Variants in HECTD2 observed in about 807,000 individuals in gnomAD.
The protein encoded by HECTD2 is HECT domain E3 ubiquitin protein ligase 2.
In HECTD2, 35 loss-of-function variants were observed where a neutral mutation model predicts 103.2. The ratio of observed to expected loss-of-function variants is 0.34; its 90% CI spans 0.26 to 0.45. The LOEUF (loss-of-function observed/expected upper bound fraction) is 0.45, where lower values mean the gene tolerates loss of function less well. Ranked by LOEUF, HECTD2 falls within the 20% of genes least tolerant of loss-of-function variation. The pLI is 1.00. For synonymous variants in HECTD2, 281 were observed against 329.9 expected (o/e 0.85, Z 1.61); for missense variants, 596 against 937.4 (o/e 0.64, Z 4.76).
At position 91,410,450 on chromosome 10, in the gene HECTD2, G is replaced by C; in HGVS notation, c.12G>C (p.Ala4=). 1 of 1,451,234 alleles carries C rather than the reference G, an allele frequency of 6.9e-7. No homozygotes were observed. Among genetic ancestry groups the C allele is most frequent in the Non-Finnish European group, 9.0e-7 (1 of 1,105,696 alleles). The allele number at this position is 1,451,234 out of a possible 1,614,324, so 89.9% of individuals were successfully genotyped here. MSE[A]VRVPSPATPL... ...CCGCCCGGCCCGACATGAGTGAGGC[G>C]GTTCGGGTACCCTCGCCCGCCACTC... Residue 4 remains alanine (A), a synonymous_variant, in exon 1 of 21, where the codon GCG becomes GCC. Transcript: ENST00000298068.
chr10:91,449,295 CACTT>C (rs1020866119), intron 2 of HECTD2, among the ~76,000 whole-genome samples: 88 of 152,244 alleles, frequency 5.8e-4, no homozygotes, highest in African/African-American at 2.0e-3. Flanking sequence ...TGACAAAAAA[CACTT>C]AATTACCTCA....
At chr10:91,440,366 T>G (rs184016815) in intron 2 of HECTD2, among the ~76,000 whole-genome samples, 28 of 152,282 alleles carry the variant, frequency 1.8e-4, no homozygotes, top group African/African-American at 6.3e-4. Flanking sequence ...TCTTTTTAAG[T>G]GATAGGTTAC....
intron 16 of HECTD2, 97 bp from the exon 17 acceptor site, chr10:91,498,774 AG>A: frequency 3.0e-6 from 2 of 664,000 alleles, no homozygotes; most frequent in Non-Finnish European, 5.3e-6. Flanking sequence ...TTTAGAAGGA[AG>A]GGGGAAAAAA....
intron 1 of HECTD2, among the ~76,000 whole-genome samples, chr10:91,420,280 CAAAA>C (rs58296918): frequency 9.1e-6 from 1 of 109,920 alleles, no homozygotes; most frequent in African/African-American, 2.8e-5. Context: ...TTTATGATTA[CAAAA>C]AAAAAAAAAA....
At chr10:91,456,182 C>T (rs1845081720) in intron 2 of HECTD2, among the ~76,000 whole-genome samples, 1 of 152,118 alleles carries the variant, frequency 6.6e-6, no homozygotes, top group Admixed American at 6.6e-5. Context: ...GCCATTTTCA[C>T]AATATTGATT....
intron 1 of HECTD2, among the ~76,000 whole-genome samples, chr10:91,412,630 TAAAA>T (rs1215785260): frequency 2.1e-5 from 3 of 143,326 alleles, no homozygotes; most frequent in South Asian, 2.2e-4. Flanking sequence ...ATTTATTTTT[TAAAA>T]AAAAAAACAA....
chr10:91,444,333 C>T (rs1481564166), intron 2 of HECTD2, among the ~76,000 whole-genome samples: 3 of 152,140 alleles, frequency 2.0e-5, no homozygotes, highest in African/African-American at 7.2e-5. Flanking sequence ...TGGATTTTGG[C>T]AGAGCCTGAG....
Position 91,484,546 on chromosome 10 carries a change from G to A in HECTD2, c.861G>A (p.Leu287=), listed in dbSNP as rs756113098. ...GGTTCAAACAATTGGTAGAGAGATT[G>A]CTGCAATTTATTTCTTTACGCCTGT... is the stretch of plus-strand genomic sequence containing the variant. The part of the protein sequence containing the change: ...QKRFKQLVER[L]LQFISLRLFP... The change falls in exon 9 of 21, where the codon TTG becomes TTA. Residue 287 remains leucine, a synonymous_variant. Transcript: ENST00000298068. 5 of 1,611,816 alleles carry A rather than the reference G, an allele frequency of 3.1e-6. No homozygotes were observed. Among genetic ancestry groups the A allele is most frequent in the African/African-American group, 1.3e-5 (1 of 74,800 alleles).
intron 20 of HECTD2, 146 bp from the exon 21 acceptor site, chr10:91,512,118 T>A: frequency 1.3e-6 from 1 of 790,070 alleles, no homozygotes; most frequent in African/African-American, 1.7e-5. Context: ...TCAGTAAATA[T>A]CTGTTCAGTG....
chr10:91,457,094 A>C (rs907024638), intron 2 of HECTD2, among the ~76,000 whole-genome samples: 2 of 152,158 alleles, frequency 1.3e-5, no homozygotes, highest in Non-Finnish European at 2.9e-5. Flanking sequence ...TCCTCAAAAA[A>C]CAAAAGCTAT....
chr10:91,432,059 G>C (rs1843905849), intron 2 of HECTD2, among the ~76,000 whole-genome samples: 1 of 151,906 alleles, frequency 6.6e-6, no homozygotes, highest in Admixed American at 6.6e-5. Context: ...CCTGAATTCA[G>C]GTGTGGCATG....
intron 2 of HECTD2, among the ~76,000 whole-genome samples, chr10:91,436,722 G>A (rs185240177): frequency 3.3e-5 from 5 of 152,022 alleles, no homozygotes; most frequent in East Asian, 3.9e-4. Flanking sequence ...TGCCTTCCCC[G>A]TTATATTCCC....
At chr10:91,508,945 T>TA (rs1273141727) in intron 20 of HECTD2, among the ~76,000 whole-genome samples, 2 of 151,798 alleles carry the variant, frequency 1.3e-5, no homozygotes, top group South Asian at 2.1e-4. Context: ...TATGCAGCCA[T>TA]AAAAAATGAT....
chr10:91,452,816 A>G (rs984384060), intron 2 of HECTD2, among the ~76,000 whole-genome samples: 2 of 152,142 alleles, frequency 1.3e-5, no homozygotes, highest in Admixed American at 1.3e-4. Flanking sequence ...TGCTAAAAGG[A>G]CTGTCAATGC....
At chr10:91,435,654 G>A (rs1242819490) in intron 2 of HECTD2, among the ~76,000 whole-genome samples, 1 of 151,962 alleles carries the variant, frequency 6.6e-6, no homozygotes, top group East Asian at 1.9e-4. Flanking sequence ...TGTCTCTCTC[G>A]AAGCTTGTTG....
chr10:91,416,311 A>G (rs894922472), intron 1 of HECTD2, among the ~76,000 whole-genome samples: 2 of 152,240 alleles, frequency 1.3e-5, no homozygotes, highest in Non-Finnish European at 2.9e-5. Flanking sequence ...CATTTAGAAA[A>G]AAACCTTGTA....
intron 11 of HECTD2, 129 bp from the exon 12 acceptor site, chr10:91,491,071 T>G: frequency 2.0e-6 from 1 of 494,836 alleles, no homozygotes; most frequent in South Asian, 2.9e-5. Flanking sequence ...GTATAATTGA[T>G]TTTTATAAAA....
At chr10:91,431,340 A>G (rs1414923315) in intron 2 of HECTD2, among the ~76,000 whole-genome samples, 1 of 152,004 alleles carries the variant, frequency 6.6e-6, no homozygotes, top group Non-Finnish European at 1.5e-5. Flanking sequence ...AGTTTGGTGA[A>G]TCTGACAATT....
chr10:91,477,159 G>A (rs1012089940), intron 5 of HECTD2, among the ~76,000 whole-genome samples: 1 of 143,818 alleles, frequency 7.0e-6, no homozygotes, highest in Non-Finnish European at 1.5e-5. Context: ...ACGCAGTCTG[G>A]CCTGGATGAC....
Sources: gnomAD v4.1 joint callset for allele counts (sites outside exome capture counted in the v4.1 genomes callset) on GRCh38, gnomAD v4.1.1 for gene constraint, MANE v1.5 for transcripts, NCBI Gene and HGNC (gene_info 2026-07-23, HGNC 2026-07-21) for gene names.